WIPF1: variants seen among roughly 807,000 people sequenced by gnomAD.
WIPF1 encodes the protein WAS/WASL interacting protein family member 1, also known as WAS/WASL-interacting protein family member 1.
Under a neutral mutation model 35.4 loss-of-function variants are expected in WIPF1, and 13 were observed. The observed-to-expected ratio is 0.37, with a 90% CI of 0.24 to 0.58. The LOEUF (loss-of-function observed/expected upper bound fraction) is 0.58. WIPF1 is among the 20% of genes least tolerant of loss of function. The pLI, the probability that WIPF1 is intolerant of heterozygous loss-of-function variation, is 0.74. For missense variants in WIPF1, 591 were observed against 667.0 expected (o/e 0.89, Z 1.25); for synonymous variants, 267 against 266.3 (o/e 1.00, Z -0.02).
rs1468537100 is a variant in WIPF1 at position 174,559,790 on chromosome 2, C to T, written c.*2757G>A. The T allele has an allele frequency of 6.6e-6, 1 of 152,540 alleles. No homozygotes were observed. The highest frequency in any genetic ancestry group is 2.4e-5 in the African/African-American group (1 of 41,436). 9.4% of individuals were successfully genotyped at this position (152,540 alleles called of 1,614,324 possible). On this transcript the variant is annotated 3_prime_UTR_variant, in exon 8 of 8. Coordinates refer to ENST00000679041, the MANE Select transcript of WIPF1 (RefSeq NM_001375834.1). ...TGCCAACATTTTTGGGGAACTTTAA[C>T]AATCATCCCATTTCTGCTACTAAAA...
intron 2 of WIPF1, among the ~76,000 whole-genome samples, chr2:174,582,386 G>C (rs1366111763): frequency 1.3e-5 from 2 of 152,158 alleles, no homozygotes; most frequent in Non-Finnish European, 2.9e-5. Context: ...AACTGGCTAG[G>C]TCTTGTCTGT....
At chr2:174,624,380 T>A (rs1686765033) in intron 1 of WIPF1, among the ~76,000 whole-genome samples, 1 of 152,218 alleles carries the variant, frequency 6.6e-6, no homozygotes, top group South Asian at 2.1e-4. Context: ...CTCTGCTTAT[T>A]ACCTTTCCAG....
At chr2:174,659,364 C>T (rs1687710523) in intron 1 of WIPF1, among the ~76,000 whole-genome samples, 1 of 152,172 alleles carries the variant, frequency 6.6e-6, no homozygotes, top group Admixed American at 6.5e-5. Context: ...CAAGGAGAAG[C>T]ATTATTTAAA....
intron 4 of WIPF1, among the ~76,000 whole-genome samples, chr2:174,574,062 GT>G (rs200453377): frequency 3.3e-5 from 5 of 149,378 alleles, no homozygotes; most frequent in African/African-American, 4.9e-5. Flanking sequence ...CTAACTTTTT[GT>G]TTTTTTTTAG....
intron 1 of WIPF1, among the ~76,000 whole-genome samples, chr2:174,617,699 G>A (rs1686550827): frequency 6.6e-6 from 1 of 152,200 alleles, no homozygotes; most frequent in Non-Finnish European, 1.5e-5. Flanking sequence ...CGCACCCTGT[G>A]GTGGTGATGT....
At chr2:174,657,732 AAAAAAAT>A (rs1361734659) in intron 1 of WIPF1, among the ~76,000 whole-genome samples, 1 of 151,816 alleles carries the variant, frequency 6.6e-6, no homozygotes, top group Non-Finnish European at 1.5e-5. Flanking sequence ...ATCTCTACTA[AAAAAAAT>A]AAAAAATAAA....
At chr2:174,635,186 T>G (rs1687149464) in intron 1 of WIPF1, among the ~76,000 whole-genome samples, 1 of 152,224 alleles carries the variant, frequency 6.6e-6, no homozygotes, top group African/African-American at 2.4e-5. Context: ...CCCCAATTGT[T>G]GGTTCGGAAA....
chr2:174,630,971 C>A (rs1439690667), intron 1 of WIPF1, among the ~76,000 whole-genome samples: 1 of 152,098 alleles, frequency 6.6e-6, no homozygotes, highest in African/African-American at 2.4e-5. Context: ...TTGAGGCATT[C>A]CTGAAGAAAA....
chr2:174,581,032 C>A (rs1267385782), intron 3 of WIPF1: 1 of 224,716 alleles, frequency 4.5e-6, no homozygotes, highest in Non-Finnish European at 8.7e-6. Flanking sequence ...GTGCCAGGAG[C>A]AATGGGTTAA....
In WIPF1 at chr2:174,597,635, A is replaced by T. The variant is rs2105873745; in HGVS notation, c.-73T>A. ...GTACTGCAGGGAGCCATGGTCAGGG[A>T]CACAGGCAGACAGAGGGCCAGCGGG... On this transcript the variant is annotated 5_prime_UTR_variant, in exon 1 of 8. Transcript: ENST00000679041. 6.5e-6 allele frequency: 1 copy of T among 152,776 alleles called. No individual in the cohort carries two copies. The highest frequency in any genetic ancestry group is 6.5e-5 in the Admixed American group (1 of 15,310). The allele number at this position is 152,776 out of a possible 1,614,324, so 9.5% of individuals were successfully genotyped here.
Position 174,559,995 on chromosome 2 carries a change from T to C in WIPF1, c.*2552A>G, listed in dbSNP as rs1460618717. ...ATAAAATGCATAGTGAAATAAATAC[T>C]GAACACTGAGTTTTAATACTGTAAT... On this transcript the variant is annotated 3_prime_UTR_variant, in exon 8 of 8. Coordinates refer to ENST00000679041, the MANE Select transcript of WIPF1 (RefSeq NM_001375834.1). 6.6e-6 allele frequency: 1 copy of C among 152,632 alleles called. No individual in the cohort carries two copies. The highest frequency in any genetic ancestry group is 1.5e-5 in the Non-Finnish European group (1 of 68,028). The allele number at this position is 152,632 out of a possible 1,614,324, so 9.5% of individuals were successfully genotyped here. A position where few individuals can be genotyped will look rare whatever the true frequency, so the allele number is the denominator to read the frequency against.
chr2:174,682,435 T>A (rs2106002724), intron 1 of WIPF1, among the ~76,000 whole-genome samples: 1 of 152,176 alleles, frequency 6.6e-6, no homozygotes, highest in South Asian at 2.1e-4. Context: ...AGATAGTGGG[T>A]CCCGAGCCCC....
intron 1 of WIPF1, among the ~76,000 whole-genome samples, chr2:174,653,530 T>C (rs989781011): frequency 2.6e-5 from 4 of 151,354 alleles, no homozygotes; most frequent in Non-Finnish European, 5.9e-5. Flanking sequence ...GGTCAGGAGA[T>C]CGAGACCATC....
At position 174,607,012 on chromosome 2, in the gene WIPF1, A is replaced by C. The variant is rs1182415858; in HGVS notation, c.-38-21401T>G. On this transcript the variant is annotated intron_variant, in intron 1 of 8. Transcript: ENST00000272746. ...AAGGCAAGAGAGCATGCACAATGAG[A>C]GGCAGGGAAGGAAGGAAACAGAATT... 4.6e-4 allele frequency among the ~76,000 whole-genome samples: 70 copies of C among 152,330 alleles called. 1 individual carries two copies. The highest frequency in any genetic ancestry group is 5.9e-5 in the Non-Finnish European group (4 of 68,024).
intron 1 of WIPF1, among the ~76,000 whole-genome samples, chr2:174,586,155 T>C (rs747755087): frequency 6.6e-6 from 1 of 152,076 alleles, no homozygotes; most frequent in Non-Finnish European, 1.5e-5. Context: ...GCATGGAGAA[T>C]GTCAGGTGGA....
intron 1 of WIPF1, among the ~76,000 whole-genome samples, chr2:174,623,020 G>A (rs970254196): frequency 3.3e-5 from 5 of 152,112 alleles, no homozygotes; most frequent in Non-Finnish European, 5.9e-5. Context: ...ATGGGGATGC[G>A]TAGTACCAAA....
intron 3 of WIPF1, among the ~76,000 whole-genome samples, chr2:174,576,068 A>C (rs1181807310): frequency 6.6e-6 from 1 of 152,094 alleles, no homozygotes; most frequent in African/African-American, 2.4e-5. Context: ...ACCCTGGGCA[A>C]CAAAGTGAGA....
At chr2:174,666,987 G>A (rs1375833244) in intron 1 of WIPF1, among the ~76,000 whole-genome samples, 1 of 152,250 alleles carries the variant, frequency 6.6e-6, no homozygotes, top group Non-Finnish European at 1.5e-5. Flanking sequence ...GAGGCTGGAA[G>A]GGCCCCATGG....
rs754818979 is a variant in WIPF1 at position 174,581,349 on chromosome 2, T to C, written c.142A>G (p.Lys48Glu). 1 of 1,614,124 alleles carries C rather than the reference T, an allele frequency of 6.2e-7. No individual in the cohort carries two copies. Among genetic ancestry groups the C allele is most frequent in the Non-Finnish European group, 8.5e-7 (1 of 1,179,988 alleles). Residue 48 changes from lysine (K) to glutamate (E), a missense_variant, in exon 3 of 8, where the codon AAG becomes GAG. Around this residue, in one of 3 missense-constraint regions of WIPF1, gnomAD observed 471 missense variants for 501.1 expected, o/e 0.94. Transcript: ENST00000679041. ...GCACTTCTGTCATTGGTGACCGTCT[T>C]CTTTAGTTTCTTCCCTTTGCTGATA... ...SDISKGKKLK[K>E]TVTNDRSAPI...
Sources: gnomAD v4.1 joint callset for allele counts (sites outside exome capture counted in the v4.1 genomes callset) on GRCh38, gnomAD v4.1.1 for gene constraint, gnomAD v4.1.1 regional missense constraint, MANE v1.5 for transcripts, NCBI Gene and HGNC (gene_info 2026-07-23, HGNC 2026-07-21) for gene names.